AMBRA1: variants seen among roughly 807,000 people sequenced by gnomAD.
AMBRA1 encodes autophagy and beclin 1 regulator 1.
A neutral mutation model predicts 125.4 loss-of-function variants in AMBRA1; 47 were observed. That is an observed-to-expected ratio of 0.37 (90% CI 0.30 to 0.48). The LOEUF is 0.48. Ranked by LOEUF, AMBRA1 falls within the 20% of genes least tolerant of loss-of-function variation. The pLI is 0.99. For synonymous variants in AMBRA1, 626 were observed against 655.5 expected (o/e 0.95, Z 0.69); for missense variants, 1,331 against 1,693.4 (o/e 0.79, Z 3.76).
chr11:46,471,085 T>G (rs578067408), intron 11 of AMBRA1, among the ~76,000 whole-genome samples: 1 of 152,130 alleles, frequency 6.6e-6, no homozygotes, highest in African/African-American at 2.4e-5. Context: ...GAGGAGGAAA[T>G]TGAGGCTCAG....
chr11:46,536,473 GGA>G (rs1952483770), intron 7 of AMBRA1, among the ~76,000 whole-genome samples: 1 of 152,120 alleles, frequency 6.6e-6, no homozygotes, highest in Admixed American at 6.5e-5. Flanking sequence ...AAAGAAACTG[GGA>G]GAGATTAGAT....
At chr11:46,531,849 G>A (rs112419908) in intron 7 of AMBRA1, among the ~76,000 whole-genome samples, 21,474 of 152,188 alleles carry the variant, frequency 0.14, 1,580 homozygotes, top group Non-Finnish European at 0.17. Context: ...TGGGAGAGGT[G>A]GCTCACGCCT....
chr11:46,450,628 A>C (rs1948540175), intron 11 of AMBRA1, among the ~76,000 whole-genome samples: 1 of 151,924 alleles, frequency 6.6e-6, no homozygotes, highest in African/African-American at 2.4e-5. Flanking sequence ...TTTTTTGTAG[A>C]GATGGGGTTT....
intron 11 of AMBRA1, among the ~76,000 whole-genome samples, chr11:46,462,095 C>A (rs1949115682): frequency 6.6e-6 from 1 of 152,170 alleles, no homozygotes; most frequent in African/African-American, 2.4e-5. Context: ...CTAGCTTTTA[C>A]AAGAGATATC....
chr11:46,591,937 A>AC (rs2044613480), intron 1 of AMBRA1, among the ~76,000 whole-genome samples: 1 of 142,610 alleles, frequency 7.0e-6, no homozygotes, highest in South Asian at 2.2e-4. Flanking sequence ...TGACCTCAAG[A>AC]CTGATTTTTT....
intron 11 of AMBRA1, among the ~76,000 whole-genome samples, chr11:46,485,762 AT>A (rs1293493450): frequency 3.9e-5 from 6 of 152,190 alleles, no homozygotes; most frequent in African/African-American, 1.4e-4. Flanking sequence ...ACTTACACAT[AT>A]AAAAGGAACA....
intron 7 of AMBRA1, among the ~76,000 whole-genome samples, chr11:46,522,649 T>G (rs912131681): frequency 1.8e-4 from 28 of 152,238 alleles, no homozygotes; most frequent in African/African-American, 6.8e-4. Context: ...CCCCCTGGAA[T>G]TTATTGAATT....
chr11:46,588,359 T>C (rs2044473657), intron 1 of AMBRA1, among the ~76,000 whole-genome samples: 1 of 152,142 alleles, frequency 6.6e-6, no homozygotes, highest in South Asian at 2.1e-4. Context: ...AGTAGCAAGT[T>C]GCCCAAGAAC....
intron 17 of AMBRA1, among the ~76,000 whole-genome samples, chr11:46,398,628 G>A (rs895939448): frequency 2.0e-5 from 3 of 152,096 alleles, no homozygotes; most frequent in South Asian, 4.2e-4. Context: ...ACAGGTGCCC[G>A]CCACCACACC....
intron 7 of AMBRA1, among the ~76,000 whole-genome samples, chr11:46,539,417 C>A (rs1462953245): frequency 2.0e-5 from 3 of 151,872 alleles, no homozygotes; most frequent in African/African-American, 4.8e-5. Flanking sequence ...ATTAGCCAGG[C>A]GTGGTGGCGC....
rs1346079041 is a variant in AMBRA1, at chr11:46,410,265, C to T, written c.3209+11G>A. ...CCAGCCAGCTGCTCCCTGCCTACTT[C>T]CCAAACATACCCAGGCCGCTCGCTG... On this transcript the variant is annotated intron_variant, in intron 16 of 17. Transcript: ENST00000683756. The T allele has an allele frequency of 1.2e-6, 2 of 1,613,132 alleles. No individual in the cohort carries two copies. Among genetic ancestry groups the T allele is most frequent in the Admixed American group, 1.7e-5 (1 of 60,024 alleles).
chr11:46,434,324 TA>T (rs889509657), intron 13 of AMBRA1, among the ~76,000 whole-genome samples: 20 of 144,186 alleles, frequency 1.4e-4, no homozygotes, highest in African/African-American at 3.1e-4. Context: ...AGTCAACTCT[TA>T]AAAAAAAAAC....
In AMBRA1 at chr11:46,397,199, C is replaced by T. The variant is rs1012262384; in HGVS notation, c.*251G>A. 2.5e-6 allele frequency: 1 copy of T among 397,664 alleles called. No individual in the cohort carries two copies. The highest frequency in any genetic ancestry group is 1.3e-4 in the South Asian group (1 of 7,908). The allele number at this position is 397,664 out of a possible 1,614,324, so 24.6% of individuals were successfully genotyped here. A position where few individuals can be genotyped will look rare whatever the true frequency, so the allele number is the denominator to read the frequency against. The stretch of plus-strand genomic sequence containing the variant: ...CTGGCAGAGATACCCACTTGTTCCT[C>T]TATTCACATTAAGCCCACAGTGTGG... On this transcript the variant is annotated 3_prime_UTR_variant, in exon 18 of 18. Coordinates refer to ENST00000683756, the MANE Select transcript of AMBRA1 (RefSeq NM_001387011.1).
intron 7 of AMBRA1, among the ~76,000 whole-genome samples, chr11:46,529,960 A>C (rs1489011829): frequency 1.3e-5 from 2 of 152,190 alleles, no homozygotes; most frequent in East Asian, 1.9e-4. Context: ...ATGTGTAAGA[A>C]ATCCAGGAGG....
chr11:46,409,415 G>T (rs1947246289), intron 16 of AMBRA1, among the ~76,000 whole-genome samples: 1 of 152,076 alleles, frequency 6.6e-6, no homozygotes, highest in African/African-American at 2.4e-5. Flanking sequence ...GGCCAGGATG[G>T]TCTCCATCTC....
chr11:46,426,775 T>C (rs888873265), intron 14 of AMBRA1, among the ~76,000 whole-genome samples: 1 of 152,246 alleles, frequency 6.6e-6, no homozygotes, highest in South Asian at 2.1e-4. Context: ...CAGCTTTTAA[T>C]CAACTGACAG....
At chr11:46,517,450 G>A (rs1161981422) in intron 7 of AMBRA1, among the ~76,000 whole-genome samples, 5 of 132,136 alleles carry the variant, frequency 3.8e-5, no homozygotes, top group African/African-American at 1.4e-4. Context: ...CGCCCGGCTA[G>A]AAAGCATTTT....
chr11:46,417,736 G>A (rs1565135203), intron 15 of AMBRA1, among the ~76,000 whole-genome samples, 177 bp downstream of exon 15: 1 of 152,142 alleles, frequency 6.6e-6, no homozygotes, highest in Non-Finnish European at 1.5e-5. Flanking sequence ...ATGTGAAATG[G>A]GGAGCTAATC....
chr11:46,397,349 G>A lies in AMBRA1; in HGVS notation c.*101C>T. 1 of 1,384,994 alleles carries A rather than the reference G, an allele frequency of 7.2e-7. No homozygotes were observed. The highest frequency in any genetic ancestry group is 9.4e-7 in the Non-Finnish European group (1 of 1,065,506). The allele number at this position is 1,384,994 out of a possible 1,614,324, so 85.8% of individuals were successfully genotyped here. A position where few individuals can be genotyped will look rare whatever the true frequency, so the allele number is the denominator to read the frequency against. ...GACCCTCTTCCTCCTCCTGTTCCCT[G>A]ATGCAGCCAGCAGCTCTTCCACATG... On this transcript the variant is annotated 3_prime_UTR_variant, in exon 18 of 18. Coordinates refer to ENST00000683756, the MANE Select transcript of AMBRA1 (RefSeq NM_001387011.1).
Sources: gnomAD v4.1 joint callset for allele counts (sites outside exome capture counted in the v4.1 genomes callset) on GRCh38, gnomAD v4.1.1 for gene constraint, MANE v1.5 for transcripts, NCBI Gene and HGNC (gene_info 2026-07-23, HGNC 2026-07-21) for gene names.